DENND5A: variants seen among roughly 807,000 people sequenced by gnomAD.
DENND5A encodes DENN domain-containing protein 5A.
In DENND5A, 64 loss-of-function variants were observed where a neutral mutation model predicts 140.3. The observed-to-expected ratio is 0.46, with a 90% CI of 0.37 to 0.56. The LOEUF (loss-of-function observed/expected upper bound fraction) is 0.56. Ranked by LOEUF, DENND5A falls within the 20% of genes least tolerant of loss-of-function variation. The pLI, the probability that DENND5A is intolerant of heterozygous loss-of-function variation, is 0.00. For missense variants in DENND5A, 1,292 were observed against 1,593.8 expected (o/e 0.81, Z 3.22); for synonymous variants, 605 against 607.7 (o/e 1.00, Z 0.07).
At chr11:9,175,441 G>C (rs1848516945) in intron 8 of DENND5A, 1 of 152,130 alleles carries the variant, frequency 6.6e-6, no homozygotes, top group Non-Finnish European at 1.5e-5. Context: ...AATCTTGAAA[G>C]GTTTCTTTGC....
At chr11:9,199,829 T>C (rs1423687582) in intron 4 of DENND5A, among the ~76,000 whole-genome samples, 1 of 152,208 alleles carries the variant, frequency 6.6e-6, no homozygotes, top group African/African-American at 2.4e-5. Context: ...CCTTGGATCA[T>C]TAATATAACT....
chr11:9,263,564 C>T (rs1341868525), intron 1 of DENND5A, among the ~76,000 whole-genome samples: 5 of 143,804 alleles, frequency 3.5e-5, no homozygotes, highest in Non-Finnish European at 7.6e-5. Context: ...AACACTGGGC[C>T]GGGCGCGGTG....
chr11:9,178,912 G>A lies in DENND5A; in HGVS notation c.1617C>T (p.Ser539=). Reference sequence around the variant, plus strand: ...TGGTAAACCAGGATTCCTTATCCTGGCTGGGTTGGATGACAAACACCTCAT... The same window carrying A: ...TGGTAAACCAGGATTCCTTATCCTGACTGGGTTGGATGACAAACACCTCAT... ...ADYEVFVIQP[S]QDKESWFTNR... is the part of the protein sequence containing the mutation. Residue 539 remains serine (S), a synonymous_variant, in exon 7 of 23, where the codon AGC becomes AGT. Coordinates refer to ENST00000328194, the MANE Select transcript of DENND5A (RefSeq NM_015213.4). The A allele has an allele frequency of 6.2e-7, 1 of 1,614,030 alleles. No individual in the cohort carries two copies. The highest frequency in any genetic ancestry group is 1.6e-4 in the Middle Eastern group (1 of 6,062).
At chr11:9,162,005 G>A (rs1366509571) in intron 11 of DENND5A, among the ~76,000 whole-genome samples, 4 of 151,160 alleles carry the variant, frequency 2.6e-5, no homozygotes, top group African/African-American at 9.7e-5. Flanking sequence ...ATATCTGCCT[G>A]AACTTTGAGT....
intron 1 of DENND5A, among the ~76,000 whole-genome samples, chr11:9,228,202 C>T (rs11604198): frequency 0.059 from 8,902 of 151,408 alleles, 361 homozygotes; most frequent in South Asian, 0.1. Context: ...CCCAGATGAG[C>T]ACAGCGTTTG....
At chr11:9,156,502 C>G (rs1457252194) in intron 12 of DENND5A, among the ~76,000 whole-genome samples, 1 of 152,076 alleles carries the variant, frequency 6.6e-6, no homozygotes, top group Non-Finnish European at 1.5e-5. Flanking sequence ...TGGCCTGAGC[C>G]TGTAATCCCA....
chr11:9,190,737 A>G (rs530123609), intron 5 of DENND5A, among the ~76,000 whole-genome samples: 17 of 152,198 alleles, frequency 1.1e-4, no homozygotes, highest in Non-Finnish European at 2.2e-4. Flanking sequence ...GTGCATCAAA[A>G]TATCAAAAGT....
At chr11:9,221,782 G>A (rs979110885) in intron 1 of DENND5A, among the ~76,000 whole-genome samples, 1 of 151,970 alleles carries the variant, frequency 6.6e-6, no homozygotes, top group East Asian at 1.9e-4. Context: ...TTTTAAGATG[G>A]AGTCTTGCTC....
chr11:9,243,001 T>C (rs1590327427), intron 1 of DENND5A, among the ~76,000 whole-genome samples: 1 of 144,292 alleles, frequency 6.9e-6, no homozygotes, highest in African/African-American at 2.6e-5. Flanking sequence ...GGCAGGAAGA[T>C]CACTTGAGCC....
At chr11:9,143,860 C>T (rs1847330391) in intron 19 of DENND5A, among the ~76,000 whole-genome samples, 1 of 152,194 alleles carries the variant, frequency 6.6e-6, no homozygotes. Flanking sequence ...ATATACAGCG[C>T]CCAGGTTTGG....
intron 1 of DENND5A, among the ~76,000 whole-genome samples, chr11:9,237,335 G>A (rs1013496161): frequency 5.3e-5 from 8 of 151,706 alleles, no homozygotes; most frequent in Admixed American, 3.9e-4. Context: ...CAGGAGAATA[G>A]CTCTTGAACC....
intron 19 of DENND5A, among the ~76,000 whole-genome samples, chr11:9,143,722 T>G (rs1343861397): frequency 2.0e-5 from 3 of 152,206 alleles, no homozygotes; most frequent in Admixed American, 6.5e-5. Context: ...CTGGTAAAGT[T>G]TAGTTTCCAT....
At chr11:9,191,595 C>T (rs117286572) in intron 5 of DENND5A, among the ~76,000 whole-genome samples, 3,235 of 152,322 alleles carry the variant, frequency 0.021, 53 homozygotes, top group Middle Eastern at 0.078. Context: ...ATTAAGAAAT[C>T]TGTTGATCCC....
chr11:9,153,389 T>C (rs7113467), intron 12 of DENND5A, among the ~76,000 whole-genome samples: 33,656 of 144,854 alleles, frequency 0.23, 4,094 homozygotes, highest in African/African-American at 0.29. Context: ...TGACCTATCA[T>C]CCTCTAAATG....
At chr11:9,170,916 G>C in intron 8 of DENND5A, 139 bp from the exon 9 acceptor site, 1 of 1,406,362 alleles carries the variant, frequency 7.1e-7, no homozygotes. Flanking sequence ...TGATTTTCCT[G>C]CCTAATAGGA....
At chr11:9,161,003 A>G in intron 11 of DENND5A, 138 bp from the exon 12 acceptor site, 1 of 834,286 alleles carries the variant, frequency 1.2e-6, no homozygotes, top group East Asian at 2.5e-5. Context: ...GACACAGAAT[A>G]TATTTATACC....
Position 9,265,119 on chromosome 11 carries a change from C to A in DENND5A, c.-50G>T, listed in dbSNP as rs1417145693. 1 of 1,127,582 alleles carries A rather than the reference C, an allele frequency of 8.9e-7. No individual in the cohort carries two copies. The highest frequency in any genetic ancestry group is 4.1e-5 in the East Asian group (1 of 24,236). The allele number at this position is 1,127,582 out of a possible 1,614,324, so 69.8% of individuals were successfully genotyped here. A position where few individuals can be genotyped will look rare whatever the true frequency, so the allele number is the denominator to read the frequency against. ...GCAGTGCGGAGCGGCACCGAGCCCCCGCAACCCGGGCGCCCGCCCGTCCGC... is the reference window on the plus strand; with the variant it reads ...GCAGTGCGGAGCGGCACCGAGCCCCAGCAACCCGGGCGCCCGCCCGTCCGC... On this transcript the variant is annotated 5_prime_UTR_variant, in exon 1 of 23. Coordinates refer to ENST00000328194, the MANE Select transcript of DENND5A (RefSeq NM_015213.4). The surrounding 1 kb of genome is among the most constrained non-coding windows in gnomAD (Gnocchi z 4.7).
At chr11:9,161,546 T>C (rs1300311288) in intron 11 of DENND5A, among the ~76,000 whole-genome samples, 1 of 152,200 alleles carries the variant, frequency 6.6e-6, no homozygotes, top group Non-Finnish European at 1.5e-5. Flanking sequence ...TGAGCATACA[T>C]ACAACTTAGA....
At chr11:9,232,971 C>T (rs1279330165) in intron 1 of DENND5A, among the ~76,000 whole-genome samples, 1 of 152,116 alleles carries the variant, frequency 6.6e-6, no homozygotes, top group East Asian at 1.9e-4. Flanking sequence ...CACAAGAGTT[C>T]ACCATATATA....
Sources: allele counts gnomAD v4.1 joint callset (sites outside exome capture counted in the v4.1 genomes callset), GRCh38; gene constraint gnomAD v4.1.1; non-coding constraint Gnocchi (gnomAD v3.1); transcripts MANE v1.5; gene names NCBI Gene and HGNC (gene_info 2026-07-23, HGNC 2026-07-21).